TRAP1: variants seen among roughly 807,000 people sequenced by gnomAD.
TRAP1 encodes the protein heat shock protein 75 kDa, mitochondrial.
Under a neutral mutation model 89.1 loss-of-function variants are expected in TRAP1, and 102 were observed. The ratio of observed to expected loss-of-function variants is 1.15; its 90% CI spans 0.98 to 1.35. The LOEUF is 1.35. Among genes scored for constraint, TRAP1 ranks in the 40% most tolerant of loss-of-function variants. The pLI, the probability that TRAP1 is intolerant of heterozygous loss-of-function variation, is 0.00. For missense variants in TRAP1, 1,256 were observed against 945.3 expected, an observed-to-expected ratio of 1.33 and a Z score of -4.31; for synonymous variants, 508 against 388.0, an observed-to-expected ratio of 1.31 and a Z score of -3.64.
intron 16 of TRAP1, chr16:3,661,644 G>T: frequency 4.0e-6 from 1 of 248,690 alleles, no homozygotes; most frequent in East Asian, 7.4e-5. Flanking sequence ...AGTGAGCAAC[G>T]TGAGACTTCA....
At chr16:3,716,555 G>A (rs2051599981) in intron 1 of TRAP1, among the ~76,000 whole-genome samples, 1 of 152,234 alleles carries the variant, frequency 6.6e-6, no homozygotes, top group Non-Finnish European at 1.5e-5. Context: ...ATGAAAAGAT[G>A]TGGAAAGAAT....
intron 4 of TRAP1, among the ~76,000 whole-genome samples, chr16:3,680,315 C>A (rs1286061380): frequency 1.3e-5 from 2 of 152,124 alleles, no homozygotes; most frequent in African/African-American, 4.8e-5. Context: ...GAAGGGACAG[C>A]AGAAAGTTGC....
chr16:3,700,893 C>G (rs1262899713), intron 1 of TRAP1, among the ~76,000 whole-genome samples: 1 of 152,034 alleles, frequency 6.6e-6, no homozygotes, highest in Non-Finnish European at 1.5e-5. Context: ...AAAGGAAAAA[C>G]AGGGAAAAAA....
At chr16:3,673,525 G>A (rs2050944076) in intron 9 of TRAP1, among the ~76,000 whole-genome samples, 1 of 152,174 alleles carries the variant, frequency 6.6e-6, no homozygotes. Context: ...TGGGAGACCT[G>A]GTTAAAATGT....
Position 3,661,990 on chromosome 16 carries a change from G to C in TRAP1, c.1937C>G (p.Pro646Arg). 7 of 1,605,422 alleles carry C rather than the reference G, an allele frequency of 4.4e-6. No individual in the cohort carries two copies. The highest frequency in any genetic ancestry group is 6.0e-6 in the Non-Finnish European group (7 of 1,175,260). Residue 646 changes from proline (P) to arginine (R), a missense_variant, in exon 16 of 18, where the codon CCC becomes CGC. Pro to Arg is a moderately radical substitution (Grantham distance 103, BLOSUM62 -2). Coordinates refer to ENST00000246957, the MANE Select transcript of TRAP1 (RefSeq NM_016292.3). ...AGAGCCAGGAGCGTGGCCTCACCTG[G>C]GGTTGATCTCCAGCGTGGGCTGCAG... ...QLLQPTLEIN[P>R]RHALIKKLNQ...
At chr16:3,679,822 C>T (rs1157517603) in intron 4 of TRAP1, 32 bp from the exon 5 acceptor site, 2 of 1,611,670 alleles carry the variant, frequency 1.2e-6, no homozygotes, top group Non-Finnish European at 1.7e-6. Context: ...GTGCCAAGCC[C>T]CCAGCACCTG....
At chr16:3,678,086 G>C (rs1014975165) in intron 5 of TRAP1, 1 of 167,908 alleles carries the variant, frequency 6.0e-6, no homozygotes, top group African/African-American at 2.4e-5. Context: ...AAAAAGAGTA[G>C]AAATCACGCG....
chr16:3,666,211 A>G (rs750929687), intron 11 of TRAP1, 93 bp from the exon 12 acceptor site: 111 of 1,448,170 alleles, frequency 7.7e-5, no homozygotes, highest in Non-Finnish European at 1.0e-4. Context: ...CCCGCTAAGA[A>G]TCAAAGAAGT....
At chr16:3,662,335 G>A (rs149268494) in intron 15 of TRAP1, 125 of 667,458 alleles carry the variant, frequency 1.9e-4, no homozygotes, top group South Asian at 5.2e-4. Context: ...TACTGTGCCC[G>A]AGGGGCTCCA....
chr16:3,671,674 A>G, intron 11 of TRAP1, 48 bp downstream of exon 11: 1 of 1,590,218 alleles, frequency 6.3e-7, no homozygotes, highest in Non-Finnish European at 8.6e-7. Context: ...AGGAGCAGGT[A>G]GGGGCCTTGT....
chr16:3,699,587 T>C (rs970415794), intron 1 of TRAP1, among the ~76,000 whole-genome samples: 29 of 144,176 alleles, frequency 2.0e-4, no homozygotes, highest in Admixed American at 1.4e-4. Flanking sequence ...GATTGTGCCA[T>C]TGCACTCCAG....
At chr16:3,701,171 A>T (rs1210375304) in intron 1 of TRAP1, among the ~76,000 whole-genome samples, 1 of 152,256 alleles carries the variant, frequency 6.6e-6, no homozygotes, top group Non-Finnish European at 1.5e-5. Flanking sequence ...CAAGTAAAAT[A>T]CATTTCAAAA....
At chr16:3,680,072 A>G (rs1005626578) in intron 4 of TRAP1, 2 of 310,664 alleles carry the variant, frequency 6.4e-6, no homozygotes, top group African/African-American at 4.2e-5. Context: ...TCTACTAAAA[A>G]AGAAATTAGC....
At chr16:3,666,999 T>G (rs551967184) in intron 11 of TRAP1, among the ~76,000 whole-genome samples, 9 of 152,280 alleles carry the variant, frequency 5.9e-5, no homozygotes, top group Non-Finnish European at 1.2e-4. Flanking sequence ...ATTTAGAGCC[T>G]TTCCTCCCAC....
In TRAP1 at chr16:3,677,608, G is replaced by C. The variant is rs59479410; in HGVS notation, c.594C>G (p.Ile198Met). 9.3e-6 allele frequency: 15 copies of C among 1,614,072 alleles called. No homozygotes were observed. The East Asian group carries it at 3.3e-4, about 36-fold the overall frequency. The part of the protein sequence containing the change: ...QNQAEASSKI[I>M]GQFGVGFYSA... ...AGTAGAAACCCACTCCAAACTGGCC[G>C]ATGATCTTGCTGCTGGCCTCAGCCT... The change falls in exon 6 of 18, where the codon ATC becomes ATG. Residue 198 changes from isoleucine (I) to methionine (M), a missense_variant. Ile to Met is a conservative substitution (Grantham distance 10). Transcript: ENST00000246957.
At chr16:3,679,623 C>A (rs1218612493) in intron 5 of TRAP1, 96 bp downstream of exon 5, 1 of 1,242,020 alleles carries the variant, frequency 8.1e-7, no homozygotes, top group African/African-American at 1.5e-5. Context: ...CAACTGACAA[C>A]GTTCTTACTT....
chr16:3,711,248 A>G (rs898430426), intron 1 of TRAP1, among the ~76,000 whole-genome samples: 3 of 152,094 alleles, frequency 2.0e-5, no homozygotes, highest in Non-Finnish European at 4.4e-5. Flanking sequence ...TTTAAAACCA[A>G]TGATTCAGCT....
At chr16:3,708,366 C>G (rs1157468737) in intron 1 of TRAP1, among the ~76,000 whole-genome samples, 3 of 152,040 alleles carry the variant, frequency 2.0e-5, no homozygotes, top group African/African-American at 7.2e-5. Context: ...AAGCCAGGAG[C>G]AGTGGCTCAC....
chr16:3,669,873 A>C (rs756783945), intron 11 of TRAP1, among the ~76,000 whole-genome samples: 1 of 150,684 alleles, frequency 6.6e-6, no homozygotes, highest in Non-Finnish European at 1.5e-5. Context: ...TTTCAGAACA[A>C]AGATAAACAT....
Sources: allele counts gnomAD v4.1 joint callset (sites outside exome capture counted in the v4.1 genomes callset), GRCh38; gene constraint gnomAD v4.1.1; transcripts MANE v1.5; gene names NCBI Gene and HGNC (gene_info 2026-07-23, HGNC 2026-07-21).